CD81: variants seen among roughly 807,000 people sequenced by gnomAD.
CD81 encodes the protein CD81 molecule, also known as CD81 antigen.
A neutral mutation model predicts 30.1 loss-of-function variants in CD81; 10 were observed. The observed-to-expected ratio is 0.33, with a 90% CI of 0.21 to 0.56. The LOEUF is 0.56. CD81 is among the 20% of genes least tolerant of loss of function. CD81 has a pLI of 0.89. For synonymous variants in CD81, 147 were observed against 126.4 expected (o/e 1.16, Z -1.10); for missense variants, 263 against 308.7 (o/e 0.85, Z 1.11).
intron 2 of CD81, 55 bp downstream of exon 2, chr11:2,390,581 G>T: frequency 7.8e-7 from 1 of 1,276,004 alleles, no homozygotes; most frequent in Non-Finnish European, 1.1e-6. Flanking sequence ...GGAGGAGGCA[G>T]GTCCTAGCCT....
rs1458038102 is a variant in CD81 at position 2,390,450 on chromosome 11, C to T, written c.105C>T (p.Leu35=). ...GGVILGVALW[L]RHDPQTTNLL... is the part of the protein sequence containing the mutation. ...TGATCCTGGGTGTGGCCCTGTGGCT[C>T]CGCCATGACCCGCAGACCACCAACC... is the stretch of plus-strand genomic sequence containing the variant. The change falls in exon 2 of 8, where the codon CTC becomes CTT. Residue 35 remains leucine (L), a synonymous_variant. Coordinates refer to ENST00000263645, the MANE Select transcript of CD81 (RefSeq NM_004356.4). 5.6e-6 allele frequency: 9 copies of T among 1,612,812 alleles called. No individual in the cohort carries two copies. Among genetic ancestry groups the T allele is most frequent in the Non-Finnish European group, 6.8e-6 (8 of 1,180,008 alleles).
At position 2,397,007 on chromosome 11, in the gene CD81, G is replaced by A; in HGVS notation, c.*141G>A. The A allele has an allele frequency of 1.2e-6, 1 of 845,912 alleles. No homozygotes were observed. Among genetic ancestry groups the A allele is most frequent in the South Asian group, 1.5e-5 (1 of 68,366 alleles). The allele number at this position is 845,912 out of a possible 1,614,324, so 52.4% of individuals were successfully genotyped here. A position where few individuals can be genotyped will look rare whatever the true frequency, so the allele number is the denominator to read the frequency against. On this transcript the variant is annotated 3_prime_UTR_variant, in exon 8 of 8. Transcript: ENST00000263645. ...GTAGCCTTTTTACTTTTGGGGTTTTGTTTTTGTTCTGAACTTTCCTGTTAC... is the reference window on the plus strand; with the variant it reads ...GTAGCCTTTTTACTTTTGGGGTTTTATTTTTGTTCTGAACTTTCCTGTTAC...
chr11:2,394,655 C>T (rs371395977), intron 3 of CD81, among the ~76,000 whole-genome samples: 9 of 152,152 alleles, frequency 5.9e-5, no homozygotes, highest in African/African-American at 1.9e-4. Context: ...TGCTGCTGCA[C>T]ACGCCTCCCT....
intron 2 of CD81, chr11:2,393,590 G>A (rs1022991646): frequency 6.0e-5 from 26 of 436,424 alleles, no homozygotes; most frequent in Non-Finnish European, 5.8e-5. Flanking sequence ...CCCTCTTCTC[G>A]CACCACACTG....
chr11:2,384,678 C>A, intron 1 of CD81: 1 of 198,172 alleles, frequency 5.0e-6, no homozygotes, highest in Non-Finnish European at 1.1e-5. Flanking sequence ...AGAGGCTTCC[C>A]ACAGGTGAGC....
chr11:2,393,605 G>C, intron 2 of CD81: 1 of 496,350 alleles, frequency 2.0e-6, no homozygotes, highest in Non-Finnish European at 3.6e-6. Flanking sequence ...ACACTGGGGA[G>C]GCAGCATTGG....
intron 1 of CD81, among the ~76,000 whole-genome samples, chr11:2,387,812 G>T (rs917491042): frequency 6.6e-6 from 1 of 152,204 alleles, no homozygotes; most frequent in African/African-American, 2.4e-5. Flanking sequence ...TCAGTCTGGG[G>T]CCTGGGCGGG....
intron 1 of CD81, among the ~76,000 whole-genome samples, chr11:2,381,468 A>G (rs1254722408): frequency 3.9e-5 from 6 of 152,154 alleles, no homozygotes. Flanking sequence ...TTCACCCCCA[A>G]TCCCTTTCTC....
chr11:2,382,907 C>G (rs1226932068), intron 1 of CD81, among the ~76,000 whole-genome samples: 1 of 152,166 alleles, frequency 6.6e-6, no homozygotes, highest in Admixed American at 6.5e-5. Flanking sequence ...GGCTTAGAGG[C>G]TTAGAGTAGG....
At chr11:2,386,854 C>G (rs2133450401) in intron 1 of CD81, among the ~76,000 whole-genome samples, 1 of 152,364 alleles carries the variant, frequency 6.6e-6, no homozygotes, top group East Asian at 1.9e-4. Flanking sequence ...TTGGCCCAGG[C>G]TCTTTCAGGC....
At chr11:2,382,858 C>G (rs1025442964) in intron 1 of CD81, among the ~76,000 whole-genome samples, 7 of 152,208 alleles carry the variant, frequency 4.6e-5, no homozygotes, top group Admixed American at 3.3e-4. Context: ...AGCTCCTTCC[C>G]GAGTGGGACC....
intron 2 of CD81, chr11:2,393,862 C>G: frequency 1.5e-6 from 1 of 682,982 alleles, no homozygotes; most frequent in East Asian, 2.7e-5. Flanking sequence ...GGTGCCCAGT[C>G]CCCATGTGGC....
At position 2,378,020 on chromosome 11, in the gene CD81, G is replaced by A. The variant is rs1589843436; in HGVS notation, c.66+405G>A. The A allele has an allele frequency of 6.6e-6, 1 of 152,522 alleles. No individual in the cohort carries two copies. The highest frequency in any genetic ancestry group is 1.5e-5 in the Non-Finnish European group (1 of 68,248). The allele number at this position is 152,522 out of a possible 1,614,324, so 9.4% of individuals were successfully genotyped here. A position where few individuals can be genotyped will look rare whatever the true frequency, so the allele number is the denominator to read the frequency against. On this transcript the variant is annotated intron_variant, in intron 1 of 7. Coordinates refer to ENST00000263645, the MANE Select transcript of CD81 (RefSeq NM_004356.4). This position sits in a 1 kb window ranked among gnomAD's most constrained non-coding sequence, Gnocchi z 4.9. ...ACTGCTGCTTCGCGGGGACGAGGGGGGGGCTCGCGGGCGGGACTCCTGGCG... is the reference window on the plus strand; with the variant it reads ...ACTGCTGCTTCGCGGGGACGAGGGGAGGGCTCGCGGGCGGGACTCCTGGCG...
chr11:2,389,017 G>A (rs1373516774), intron 1 of CD81, among the ~76,000 whole-genome samples: 2 of 152,176 alleles, frequency 1.3e-5, no homozygotes, highest in Non-Finnish European at 2.9e-5. Context: ...GAGCAGCAGG[G>A]GGTAAAGCCT....
chr11:2,386,229 C>A, intron 1 of CD81: 1 of 699,982 alleles, frequency 1.4e-6, no homozygotes, highest in South Asian at 1.5e-5. Context: ...TGTTTTTTGC[C>A]CATCTTTCAA....
At chr11:2,394,312 C>T (rs534237314) in intron 3 of CD81, 120 bp downstream of exon 3, 1 of 657,304 alleles carries the variant, frequency 1.5e-6, no homozygotes, top group East Asian at 2.7e-5. Context: ...GGAGGTGGCT[C>T]CTGTGCCCTG....
intron 1 of CD81, among the ~76,000 whole-genome samples, chr11:2,389,832 C>T (rs1281940920): frequency 6.6e-6 from 1 of 152,130 alleles, no homozygotes; most frequent in Admixed American, 6.5e-5. Flanking sequence ...CCCTCTCCTC[C>T]TGGCAGCAAA....
chr11:2,389,245 G>T (rs1849852597), intron 1 of CD81, among the ~76,000 whole-genome samples: 1 of 152,194 alleles, frequency 6.6e-6, no homozygotes, highest in African/African-American at 2.4e-5. Context: ...AGGCCGAGGG[G>T]TGCTGAAGTG....
intron 1 of CD81, chr11:2,379,230 G>A (rs1416364327): frequency 2.2e-6 from 1 of 450,326 alleles, no homozygotes; most frequent in South Asian, 1.6e-5. Context: ...TGGGGGTGGG[G>A]GCTGAGGGAG....
Sources: allele counts gnomAD v4.1 joint callset (sites outside exome capture counted in the v4.1 genomes callset), GRCh38; gene constraint gnomAD v4.1.1; non-coding constraint Gnocchi (gnomAD v3.1); transcripts MANE v1.5; gene names NCBI Gene and HGNC (gene_info 2026-07-23, HGNC 2026-07-21).